The following MOSPD1 variants were observed in gnomAD, a reference collection of about 807,000 sequenced individuals.
MOSPD1 encodes motile sperm domain-containing protein 1.
MOSPD1 carries 5 observed loss-of-function variants against 16.7 expected under a neutral mutation model. The ratio of observed to expected loss-of-function variants is 0.30; its 90% CI spans 0.16 to 0.63. The LOEUF (loss-of-function observed/expected upper bound fraction) is 0.63. Ranked by LOEUF, MOSPD1 falls within the 30% of genes least tolerant of loss-of-function variation. MOSPD1 has a pLI of 0.82. For missense variants in MOSPD1, 104 were observed against 153.6 expected, an observed-to-expected ratio of 0.68 and a Z score of 1.71; for synonymous variants, 67 against 59.2, an observed-to-expected ratio of 1.13 and a Z score of -0.61.
intron 1 of MOSPD1, among the ~76,000 whole-genome samples, chrX:134,909,043 G>T (rs906155441): frequency 9.0e-6 from 1 of 110,612 alleles, no homozygotes; most frequent in Non-Finnish European, 1.9e-5. Flanking sequence ...CGAGGCGGGC[G>T]GATCACGAGA....
chrX:134,910,074 A>C (rs764966460), intron 1 of MOSPD1, among the ~76,000 whole-genome samples: 1 of 111,725 alleles, frequency 9.0e-6, no homozygotes, highest in East Asian at 2.8e-4. Context: ...GATTATATAT[A>C]TATGTTGCTA....
intron 1 of MOSPD1, among the ~76,000 whole-genome samples, chrX:134,910,263 G>C (rs755112054): frequency 9.0e-6 from 1 of 111,035 alleles, no homozygotes; most frequent in South Asian, 3.8e-4. Context: ...AAATGAGCTG[G>C]GCATGGTGGC....
chrX:134,899,811 A>G (rs972009906), intron 1 of MOSPD1: 3 of 117,459 alleles, frequency 2.6e-5, no homozygotes, highest in Non-Finnish European at 5.2e-5. Context: ...TACAAAAATT[A>G]GCTGGGTGTG....
At chrX:134,900,025 C>G (rs2082905009) in intron 1 of MOSPD1, 1 of 111,593 alleles carries the variant, frequency 9.0e-6, no homozygotes, top group Non-Finnish European at 1.9e-5. Context: ...ATAGCTTTTA[C>G]CAAATTATGC....
At chrX:134,895,303 C>T (rs1323661415) in intron 4 of MOSPD1, among the ~76,000 whole-genome samples, 2 of 106,390 alleles carry the variant, frequency 1.9e-5, no homozygotes, top group African/African-American at 3.5e-5. Context: ...CTAGCCTGGG[C>T]GATAGAGAGA....
At chrX:134,897,360 A>T (rs1440048124) in intron 3 of MOSPD1, among the ~76,000 whole-genome samples, 1 of 109,006 alleles carries the variant, frequency 9.2e-6, no homozygotes, top group Non-Finnish European at 1.9e-5. Flanking sequence ...CTGGAGTTTG[A>T]GACCAGCCTA....
At chrX:134,894,764 C>T (rs757627919) in intron 4 of MOSPD1, among the ~76,000 whole-genome samples, 1 of 111,398 alleles carries the variant, frequency 9.0e-6, no homozygotes, top group Non-Finnish European at 1.9e-5. Context: ...AACAAAAAAA[C>T]CATTCCCACA....
chrX:134,906,156 C>T (rs1448703627), intron 1 of MOSPD1, among the ~76,000 whole-genome samples: 3 of 98,002 alleles, frequency 3.1e-5, no homozygotes, highest in Non-Finnish European at 4.1e-5. Context: ...CTTTTCCTAT[C>T]TCTGTTCCCA....
intron 4 of MOSPD1, 26 bp from the exon 5 acceptor site, chrX:134,891,666 C>T (rs746890839): frequency 2.1e-5 from 25 of 1,197,433 alleles, no homozygotes; most frequent in Non-Finnish European, 2.7e-5. Context: ...AATCCCTAAG[C>T]TTCCTTCTAA....
At chrX:134,902,687 G>T (rs1291846174) in intron 1 of MOSPD1, among the ~76,000 whole-genome samples, 1 of 109,546 alleles carries the variant, frequency 9.1e-6, no homozygotes, top group Non-Finnish European at 1.9e-5. Flanking sequence ...CAGCTACTCA[G>T]GGGGCTGAGG....
At chrX:134,897,154 CA>C (rs2082889100) in intron 3 of MOSPD1, 120 bp from the exon 4 acceptor site, 3 of 461,129 alleles carry the variant, frequency 6.5e-6, no homozygotes, top group Admixed American at 4.5e-5. Context: ...TACTCAAAAA[CA>C]GAAATTTGCT....
intron 4 of MOSPD1, among the ~76,000 whole-genome samples, chrX:134,893,937 T>C (rs1569467567): frequency 8.9e-6 from 1 of 111,959 alleles, no homozygotes; most frequent in Non-Finnish European, 1.9e-5. Flanking sequence ...CATTATAGCA[T>C]AGACACAGCA....
At position 134,904,250 on chromosome X, in the gene MOSPD1, A is replaced by T. The variant is rs182352257; in HGVS notation, c.-101-4716T>A. On this transcript the variant is annotated intron_variant, in intron 1 of 5. Transcript: ENST00000370783. ...CAAACTAAAGCCATACTATGACACA[A>T]TTTTTTACCTGTCCCATTAGTAAAA... Among the ~76,000 whole-genome samples, 132 of 111,928 alleles carry T rather than the reference A, an allele frequency of 1.2e-3. 1 individual carries two copies. Among genetic ancestry groups the T allele is most frequent in the Non-Finnish European group, 1.4e-3 (75 of 53,208 alleles).
intron 1 of MOSPD1, among the ~76,000 whole-genome samples, chrX:134,909,823 TTGAC>T (rs1189172894): frequency 9.8e-5 from 11 of 112,087 alleles, no homozygotes; most frequent in Non-Finnish European, 2.1e-4. Context: ...ACTAATGAGA[TTGAC>T]TGCTATAAAT....
Position 134,902,224 on chromosome X carries a change from A to G in MOSPD1, c.-101-2690T>C, listed in dbSNP as rs756564884. Among the ~76,000 whole-genome samples, 109 of 109,774 alleles carry G rather than the reference A, an allele frequency of 9.9e-4. 1 individual carries two copies. Among genetic ancestry groups the G allele is most frequent in the African/African-American group, 3.3e-3 (100 of 30,242 alleles). The stretch of plus-strand genomic sequence containing the variant: ...GGAGTTCGAGACCAGCCTGACCAAC[A>G]TGCAGAAACCCCATCTCTACTAAAA... On this transcript the variant is annotated intron_variant, in intron 1 of 5. Transcript: ENST00000370783.
At chrX:134,898,735 T>C (rs1184708846) in intron 3 of MOSPD1, among the ~76,000 whole-genome samples, 2 of 111,945 alleles carry the variant, frequency 1.8e-5, no homozygotes, top group Non-Finnish European at 3.8e-5. Flanking sequence ...CAAATGTCAC[T>C]ATAATAGCAG....
intron 3 of MOSPD1, among the ~76,000 whole-genome samples, chrX:134,897,324 A>T (rs2082889954): frequency 9.1e-6 from 1 of 110,012 alleles, no homozygotes; most frequent in South Asian, 3.9e-4. Context: ...CACACCTGTA[A>T]TCCCAGCACT....
At chrX:134,911,240 A>G (rs1263485180) in intron 1 of MOSPD1, among the ~76,000 whole-genome samples, 1 of 111,814 alleles carries the variant, frequency 8.9e-6, no homozygotes, top group African/African-American at 3.3e-5. Context: ...CCATTCAAGC[A>G]CAACACCTGA....
intron 4 of MOSPD1, 54 bp downstream of exon 4, chrX:134,896,757 TATTTTA>T: frequency 1.2e-6 from 1 of 868,937 alleles, no homozygotes; most frequent in East Asian, 3.1e-5. Flanking sequence ...GCTGCCTGAT[TATTTTA>T]AAGTTAATAA....
Sources: gnomAD v4.1 joint callset for allele counts (sites outside exome capture counted in the v4.1 genomes callset) on GRCh38, gnomAD v4.1.1 for gene constraint, MANE v1.5 for transcripts, NCBI Gene and HGNC (gene_info 2026-07-23, HGNC 2026-07-21) for gene names.